Variants in UBE3C observed in about 807,000 individuals in gnomAD.
The protein encoded by UBE3C is ubiquitin protein ligase E3C.
In UBE3C, 42 loss-of-function variants were observed where a neutral mutation model predicts 129.4. The ratio of observed to expected loss-of-function variants is 0.32; its 90% CI spans 0.25 to 0.42. UBE3C has a LOEUF of 0.42. Among genes scored for constraint, UBE3C ranks in the 10% least tolerant of loss-of-function variants. UBE3C has a pLI of 1.00. For missense variants in UBE3C, 1,049 were observed against 1,319.1 expected (o/e 0.80, Z 3.17); for synonymous variants, 510 against 492.4 (o/e 1.04, Z -0.47).
At chr7:157,240,769 G>A (rs188283823) in intron 18 of UBE3C, among the ~76,000 whole-genome samples, 113 of 152,256 alleles carry the variant, frequency 7.4e-4, no homozygotes, top group African/African-American at 2.6e-3. Context: ...TCAGTGTAGC[G>A]GTGGTTAGAG....
intron 1 of UBE3C, among the ~76,000 whole-genome samples, chr7:157,153,012 A>T (rs1807800699): frequency 6.6e-6 from 1 of 152,174 alleles, no homozygotes; most frequent in South Asian, 2.1e-4. Flanking sequence ...CCTAGCCAAC[A>T]TGGCGAAACC....
chr7:157,236,669 C>G (rs1035374406), intron 18 of UBE3C, among the ~76,000 whole-genome samples: 12 of 152,072 alleles, frequency 7.9e-5, no homozygotes, highest in Non-Finnish European at 1.0e-4. Context: ...ATTTTGGTTG[C>G]CTTAGTCCTT....
rs183979399 is a variant in UBE3C at position 157,259,630 on chromosome 7, A to G, written c.3081+2586A>G. 1.6e-4 allele frequency among the ~76,000 whole-genome samples: 24 copies of G among 152,322 alleles called. No homozygotes were observed. The East Asian group carries it at 4.4e-3, about 28-fold the overall frequency. ...AGTGAACGAAGCAAGACACAAGACTACGTATTATTATATGTAATTCCACTC... is the reference window on the plus strand; with the variant it reads ...AGTGAACGAAGCAAGACACAAGACTGCGTATTATTATATGTAATTCCACTC... On this transcript the variant is annotated intron_variant, in intron 22 of 22. Transcript: ENST00000348165.
intron 6 of UBE3C, 43 bp downstream of exon 6, chr7:157,178,890 T>C: frequency 1.2e-6 from 2 of 1,601,676 alleles, no homozygotes; most frequent in Non-Finnish European, 8.5e-7. Flanking sequence ...AGCATCCTGA[T>C]GGGGAGTGAG....
intron 18 of UBE3C, among the ~76,000 whole-genome samples, chr7:157,236,391 A>G (rs765420625): frequency 2.6e-5 from 4 of 151,690 alleles, no homozygotes; most frequent in African/African-American, 7.2e-5. Flanking sequence ...TGGCATGCCT[A>G]TAAATCAGAT....
rs532986905 is a variant in UBE3C at position 157,211,361 on chromosome 7, G to A, written c.1809+3426G>A. On this transcript the variant is annotated intron_variant, in intron 13 of 22. Coordinates refer to ENST00000348165, the MANE Select transcript of UBE3C (RefSeq NM_014671.3). Reference sequence around the variant, plus strand: ...AACCAAGAGATCCAAAGCTTGTAGCGCTGTGCCTTATCCTTTTCTGTTATT... The same window carrying A: ...AACCAAGAGATCCAAAGCTTGTAGCACTGTGCCTTATCCTTTTCTGTTATT... Among the ~76,000 whole-genome samples, 44 of 152,214 alleles carry A rather than the reference G, an allele frequency of 2.9e-4. 1 individual carries two copies. The South Asian group carries it at 5.6e-3, about 19-fold the overall frequency.
chr7:157,158,442 A>G (rs1586650686), intron 1 of UBE3C, among the ~76,000 whole-genome samples: 1 of 152,204 alleles, frequency 6.6e-6, no homozygotes. Context: ...GGACCGGTGT[A>G]GAGAACACTG....
intron 18 of UBE3C, among the ~76,000 whole-genome samples, chr7:157,241,556 A>T (rs1796326287): frequency 6.6e-6 from 1 of 152,284 alleles, no homozygotes; most frequent in Admixed American, 6.5e-5. Context: ...CAAACCAGGA[A>T]CCGCAGGGTT....
intron 10 of UBE3C, among the ~76,000 whole-genome samples, chr7:157,199,427 A>G (rs938765828): frequency 6.6e-6 from 1 of 151,722 alleles, no homozygotes; most frequent in Admixed American, 6.6e-5. Flanking sequence ...TCCCTTTTCA[A>G]CAGTATAGTC....
intron 1 of UBE3C, among the ~76,000 whole-genome samples, chr7:157,152,362 G>GT (rs1406547429): frequency 1.3e-5 from 2 of 152,162 alleles, no homozygotes; most frequent in Non-Finnish European, 2.9e-5. Flanking sequence ...TTAGAGATGC[G>GT]TGGGGGGCAG....
chr7:157,209,902 C>T (rs546504633), intron 13 of UBE3C, among the ~76,000 whole-genome samples: 6 of 152,332 alleles, frequency 3.9e-5, no homozygotes, highest in East Asian at 3.9e-4. Context: ...AGGGCAAGGC[C>T]GGGTGTGGTG....
Position 157,169,136 on chromosome 7 carries a change from A to G in UBE3C, c.195+14A>G, listed in dbSNP as rs1808297575. The G allele has an allele frequency of 6.2e-7, 1 of 1,607,290 alleles. No homozygotes were observed. Among genetic ancestry groups the G allele is most frequent in the Non-Finnish European group, 8.5e-7 (1 of 1,174,486 alleles). Reference sequence around the variant, plus strand: ...AGAAAACAGCAAGTAAGTTTGTTTTAAAATGAGGAGATTAGTAGGGCATGG... The same window carrying G: ...AGAAAACAGCAAGTAAGTTTGTTTTGAAATGAGGAGATTAGTAGGGCATGG... On this transcript the variant is annotated intron_variant, in intron 3 of 22. Coordinates refer to ENST00000348165, the MANE Select transcript of UBE3C (RefSeq NM_014671.3).
Position 157,169,057 on chromosome 7 carries a change from C to T in UBE3C, c.130C>T (p.Arg44Ter), listed in dbSNP as rs1481261665. ...TCCTTTTATTGTTTAGGAAGAAAGGCGAAGGTTGAAAAATGCAATAATTAT... is the reference window on the plus strand; with the variant it reads ...TCCTTTTATTGTTTAGGAAGAAAGGTGAAGGTTGAAAAATGCAATAATTAT... ...EERRKREEER[R>*]RLKNAIIIQS... is the part of the protein sequence containing the mutation. Residue 44 changes from arginine to a stop codon, truncating the protein, a stop_gained, in exon 3 of 23, where the codon CGA becomes TGA. Transcript: ENST00000348165. LOFTEE classifies it high-confidence loss of function. The T allele has an allele frequency of 1.2e-6, 2 of 1,613,162 alleles. No homozygotes were observed. The highest frequency in any genetic ancestry group is 1.3e-5 in the African/African-American group (1 of 74,814).
intron 13 of UBE3C, 46 bp downstream of exon 13, chr7:157,207,981 A>G: frequency 7.6e-7 from 1 of 1,323,732 alleles, no homozygotes; most frequent in East Asian, 2.7e-5. Context: ...TGAAAAATGT[A>G]CAAACTTTTG....
At chr7:157,166,440 T>C (rs1385837644) in intron 2 of UBE3C, among the ~76,000 whole-genome samples, 1 of 152,232 alleles carries the variant, frequency 6.6e-6, no homozygotes, top group African/African-American at 2.4e-5. Context: ...TCACTGAGCT[T>C]TAAAATCAAT....
chr7:157,218,482 T>C (rs1795642615), intron 14 of UBE3C, among the ~76,000 whole-genome samples: 1 of 151,766 alleles, frequency 6.6e-6, no homozygotes. Context: ...GTCACAGAAA[T>C]ATTCGAGGAG....
intron 19 of UBE3C, among the ~76,000 whole-genome samples, chr7:157,252,029 G>A (rs1398176649): frequency 1.3e-5 from 2 of 152,004 alleles, no homozygotes; most frequent in African/African-American, 2.4e-5. Context: ...CCAGCTACTC[G>A]GGAGGCTGAA....
chr7:157,159,211 C>T (rs1046625327), intron 1 of UBE3C, among the ~76,000 whole-genome samples: 2 of 151,740 alleles, frequency 1.3e-5, no homozygotes, highest in African/African-American at 2.4e-5. Flanking sequence ...GCATACACAC[C>T]ATGATTGTGG....
Position 157,207,731 on chromosome 7 carries a change from G to T in UBE3C, c.1605G>T (p.Met535Ile), listed in dbSNP as rs1586688856. 5 of 1,613,484 alleles carry T rather than the reference G, an allele frequency of 3.1e-6. No individual in the cohort carries two copies. The highest frequency in any genetic ancestry group is 2.7e-5 in the African/African-American group (2 of 74,900). The change falls in exon 13 of 23, where the codon ATG (methionine) becomes ATT (isoleucine). Residue 535 changes from methionine to isoleucine, a missense_variant. Physicochemically the swap from Met to Ile is conservative, Grantham distance 10. This residue lies in a region of UBE3C where 314 missense variants were observed against 416.9 expected (regional missense o/e 0.75). Coordinates refer to ENST00000348165, the MANE Select transcript of UBE3C (RefSeq NM_014671.3). ...EVVGQRQSSM[M>I]PFTLEELIML... The stretch of plus-strand genomic sequence containing the variant: ...TAGGTCAAAGACAATCATCAATGAT[G>T]CCTTTTACTTTAGAAGAGCTGATAA...
Sources: allele counts gnomAD v4.1 joint callset (sites outside exome capture counted in the v4.1 genomes callset), GRCh38; gene constraint gnomAD v4.1.1; regional missense constraint gnomAD v4.1.1; transcripts MANE v1.5; gene names NCBI Gene and HGNC (gene_info 2026-07-23, HGNC 2026-07-21).